Variants in SCEL observed in about 807,000 individuals in gnomAD.
SCEL encodes sciellin.
In SCEL, 113 loss-of-function variants were observed where a neutral mutation model predicts 117.6. That is an observed-to-expected ratio of 0.96 (90% CI 0.83 to 1.12). The LOEUF (loss-of-function observed/expected upper bound fraction) is 1.12. Ranked by LOEUF, SCEL falls within the 50% of genes most tolerant of loss-of-function variation. The pLI is 0.00. For synonymous variants in SCEL, 270 were observed against 256.2 expected (o/e 1.05, Z -0.51); for missense variants, 785 against 810.8 (o/e 0.97, Z 0.39).
chr13:77,563,739 T>G, intron 4 of SCEL, 92 bp from the exon 5 acceptor site: 1 of 906,802 alleles, frequency 1.1e-6, no homozygotes, highest in Non-Finnish European at 1.7e-6. Flanking sequence ...CTGAAATAGG[T>G]CAAAATATTG....
chr13:77,540,744 G>C (rs1037801131), intron 1 of SCEL, among the ~76,000 whole-genome samples: 4 of 152,226 alleles, frequency 2.6e-5, no homozygotes, highest in African/African-American at 9.6e-5. Flanking sequence ...TGAGGCTGGA[G>C]GGTATGGCCT....
At chr13:77,625,826 A>C (rs960117295) in intron 27 of SCEL, among the ~76,000 whole-genome samples, 2 of 152,186 alleles carry the variant, frequency 1.3e-5, no homozygotes, top group African/African-American at 4.8e-5. Context: ...CCTTATTTGA[A>C]CCCACTATTT....
At chr13:77,602,853 T>C in intron 17 of SCEL, 140 bp downstream of exon 17, 1 of 703,734 alleles carries the variant, frequency 1.4e-6, no homozygotes, top group Non-Finnish European at 2.4e-6. Context: ...TCAAAGAATC[T>C]ACAGTATATT....
intron 1 of SCEL, among the ~76,000 whole-genome samples, chr13:77,537,872 T>A (rs917628465): frequency 1.3e-5 from 2 of 152,186 alleles, no homozygotes; most frequent in Non-Finnish European, 2.9e-5. Flanking sequence ...GAGTATCTTA[T>A]ACGGTTCAGG....
At chr13:77,605,794 C>G (rs902296478) in intron 19 of SCEL, among the ~76,000 whole-genome samples, 1 of 152,050 alleles carries the variant, frequency 6.6e-6, no homozygotes, top group Admixed American at 6.5e-5. Flanking sequence ...ATCACGAGGT[C>G]AGGGGATCGA....
intron 27 of SCEL, 51 bp from the exon 28 acceptor site, chr13:77,627,896 T>G (rs764297902): frequency 1.3e-6 from 1 of 746,216 alleles, no homozygotes; most frequent in East Asian, 3.1e-5. Context: ...CATTTTCTTA[T>G]TTCCTATCAT....
At chr13:77,546,868 T>A (rs1038588556) in intron 1 of SCEL, among the ~76,000 whole-genome samples, 1 of 152,150 alleles carries the variant, frequency 6.6e-6, no homozygotes, top group East Asian at 1.9e-4. Flanking sequence ...TCCCTATGAT[T>A]GCCCACAGTC....
intron 29 of SCEL, among the ~76,000 whole-genome samples, chr13:77,635,436 T>C (rs1471809628): frequency 6.6e-6 from 1 of 152,212 alleles, no homozygotes; most frequent in African/African-American, 2.4e-5. Flanking sequence ...GCGTGAAATA[T>C]TGGCGAACAA....
chr13:77,617,998 A>G lies in SCEL; in HGVS notation c.1572-6A>G. The G allele has an allele frequency of 6.2e-7, 1 of 1,613,270 alleles. No homozygotes were observed. The highest frequency in any genetic ancestry group is 8.5e-7 in the Non-Finnish European group (1 of 1,179,296). The stretch of plus-strand genomic sequence containing the variant: ...CTGAACTTTTTTCTCTCTCTCTTTT[A>G]AACAGCCAAGACTTGGACAATCTTA... On this transcript the variant is annotated splice_region_variant and splice_polypyrimidine_tract_variant and intron_variant, in intron 26 of 32. Transcript: ENST00000349847.
intron 1 of SCEL, among the ~76,000 whole-genome samples, chr13:77,537,328 G>A (rs1320121250): frequency 1.3e-5 from 2 of 152,182 alleles, no homozygotes; most frequent in Non-Finnish European, 2.9e-5. Flanking sequence ...GAAGATCAGA[G>A]TAGCAGAACC....
At chr13:77,626,390 C>G (rs185207784) in intron 27 of SCEL, among the ~76,000 whole-genome samples, 3 of 152,208 alleles carry the variant, frequency 2.0e-5, no homozygotes, top group Non-Finnish European at 4.4e-5. Flanking sequence ...ATTTTATTTA[C>G]ATTAACTTAC....
intron 32 of SCEL, among the ~76,000 whole-genome samples, chr13:77,643,618 C>G (rs1199499157): frequency 1.3e-5 from 2 of 152,060 alleles, no homozygotes; most frequent in East Asian, 3.8e-4. Flanking sequence ...AAGAGGAACA[C>G]TTGGGACCCC....
intron 1 of SCEL, among the ~76,000 whole-genome samples, chr13:77,537,557 C>T (rs778412494): frequency 9.9e-5 from 15 of 152,148 alleles, no homozygotes; most frequent in East Asian, 5.8e-4. Context: ...TCAGTGTTGC[C>T]GTTTATTATA....
chr13:77,550,004 G>A (rs1355165258), intron 1 of SCEL, among the ~76,000 whole-genome samples: 1 of 146,778 alleles, frequency 6.8e-6, no homozygotes, highest in Non-Finnish European at 1.5e-5. Flanking sequence ...CTGGCCTGCT[G>A]CCAGTTTTTT....
chr13:77,593,295 T>TGTGTGTGTGCGCGCGC lies in SCEL; in HGVS notation c.693-217_693-216insGTGTGTGCGCGCGCGT, dbSNP rs796907419. 1.5e-3 allele frequency among the ~76,000 whole-genome samples: 211 copies of TGTGTGTGTGCGCGCGC among 136,878 alleles called. 4 individuals carry two copies. In the East Asian group the frequency reaches 0.023, roughly 15 times the overall value. 89.8% of individuals were successfully genotyped at this position (136,878 alleles called of 152,430 possible). A position where few individuals can be genotyped will look rare whatever the true frequency, so the allele number is the denominator to read the frequency against. On this transcript the variant is annotated intron_variant, in intron 11 of 32. Coordinates refer to ENST00000349847, the MANE Select transcript of SCEL (RefSeq NM_144777.3). Reference sequence around the variant, plus strand: ...GTGTGTGTGTGTGTGTGTGTGTGTGTGTCTGTGTGTGTGTGTGTGTGTGTC... The same window carrying TGTGTGTGTGCGCGCGC: ...GTGTGTGTGTGTGTGTGTGTGTGTGTGTGTGTGTGCGCGCGCGTCTGTGTGTGTGTGTGTGTGTGTC...
At chr13:77,569,481 GCTGATACACTA>G in intron 8 of SCEL, 30 bp downstream of exon 8, 1 of 1,519,550 alleles carries the variant, frequency 6.6e-7, no homozygotes, top group South Asian at 1.1e-5. Context: ...TCTACCTCTT[GCTGATACACTA>G]TGAAAGACTG....
intron 13 of SCEL, among the ~76,000 whole-genome samples, chr13:77,598,472 G>A (rs1484712133): frequency 6.6e-6 from 1 of 152,104 alleles, no homozygotes; most frequent in African/African-American, 2.4e-5. Flanking sequence ...TTTAGATCAG[G>A]AGTCACAGAC....
intron 9 of SCEL, among the ~76,000 whole-genome samples, chr13:77,587,575 C>G (rs1241366329): frequency 6.6e-6 from 1 of 151,994 alleles, no homozygotes; most frequent in Non-Finnish European, 1.5e-5. Flanking sequence ...CTGCTCTTAT[C>G]AGGGTGACCA....
chr13:77,611,927 A>G (rs1284109506), intron 22 of SCEL, among the ~76,000 whole-genome samples: 4 of 152,178 alleles, frequency 2.6e-5, no homozygotes, highest in Non-Finnish European at 5.9e-5. Flanking sequence ...TCCCCATAGC[A>G]CTACTCAATG....
Sources: gnomAD v4.1 joint callset for allele counts (sites outside exome capture counted in the v4.1 genomes callset) on GRCh38, gnomAD v4.1.1 for gene constraint, MANE v1.5 for transcripts, NCBI Gene and HGNC (gene_info 2026-07-23, HGNC 2026-07-21) for gene names.